Variants in DUSP4 observed in about 807,000 individuals in gnomAD.
DUSP4 encodes the protein dual specificity protein phosphatase 4.
DUSP4 carries 12 observed loss-of-function variants against 27.2 expected under a neutral mutation model. The observed-to-expected ratio is 0.44, with a 90% CI of 0.28 to 0.71. The LOEUF is 0.71. Among genes scored for constraint, DUSP4 ranks in the 30% least tolerant of loss-of-function variants. The probability of loss-of-function intolerance (pLI) is 0.14; values close to 1 mark genes in which losing one functional copy is unlikely to be tolerated. For synonymous variants in DUSP4, 257 were observed against 245.2 expected (o/e 1.05, Z -0.45); for missense variants, 448 against 551.3 (o/e 0.81, Z 1.88).
At position 29,348,076 on chromosome 8, in the gene DUSP4, CACA is replaced by C. The variant is rs1199281391; in HGVS notation, c.433+1767_433+1769del. On this transcript the variant is annotated intron_variant, in intron 1 of 3. Coordinates refer to ENST00000240100, the MANE Select transcript of DUSP4 (RefSeq NM_001394.7). ...ATTTCTTCCAGGAAGGAAAGCAAAA[CACA>C]ACAAAACAAATCCAGACTCCACGTG... 8.1e-6 allele frequency: 8 copies of C among 985,476 alleles called. No homozygotes were observed. The African/African-American group carries it at 1.2e-4, about 15-fold the overall frequency. The allele number at this position is 985,476 out of a possible 1,614,324, so 61.0% of individuals were successfully genotyped here. A position where few individuals can be genotyped will look rare whatever the true frequency, so the allele number is the denominator to read the frequency against.
intron 1 of DUSP4, chr8:29,345,452 G>A: frequency 4.3e-6 from 7 of 1,614,056 alleles, no homozygotes; most frequent in Non-Finnish European, 5.1e-6. Context: ...GAACTGGTTT[G>A]CAGTCTCTCC....
chr8:29,348,292 C>A, intron 1 of DUSP4: 2 of 985,596 alleles, frequency 2.0e-6, no homozygotes, highest in Non-Finnish European at 2.4e-6. Context: ...TCTCTCCCAC[C>A]AGCGCCGACA....
In DUSP4 at chr8:29,350,172, G is replaced by A; in HGVS notation, c.107C>T (p.Thr36Ile). ...CTTGCCGCCGCTCGGCAGCCCCAGG[G>A]TGCCGTGGCTGCCGCTGCCGCCCGC... ...GGAGGSGSHG[T>I]LGLPSGGKCL... The change falls in exon 1 of 4, where the codon ACC (threonine) becomes ATC (isoleucine). Residue 36 changes from threonine (T) to isoleucine (I), a missense_variant. Transcript: ENST00000240100. The A allele has an allele frequency of 6.2e-7, 1 of 1,608,318 alleles. No individual in the cohort carries two copies. The highest frequency in any genetic ancestry group is 8.5e-7 in the Non-Finnish European group (1 of 1,178,212).
intron 1 of DUSP4, among the ~76,000 whole-genome samples, chr8:29,344,310 A>T (rs1817696801): frequency 6.6e-6 from 1 of 152,244 alleles, no homozygotes; most frequent in Non-Finnish European, 1.5e-5. Flanking sequence ...TAATTTCATT[A>T]TCAAATGTGC....
chr8:29,340,924 C>T (rs528561150), intron 1 of DUSP4, among the ~76,000 whole-genome samples: 1 of 152,128 alleles, frequency 6.6e-6, no homozygotes, highest in South Asian at 2.1e-4. Context: ...GAAGGGAGAT[C>T]TTTTAAATAA....
chr8:29,333,773 A>G lies in DUSP4; in HGVS notation c.*3253T>C, dbSNP rs779815802. ...AGGAGAGCCTGGGTATCAGAACTGT[A>G]TAAGTTCCCCAAGTAATTCCAATGC... On this transcript the variant is annotated 3_prime_UTR_variant, in exon 4 of 4. Transcript: ENST00000240100. 16 of 152,352 alleles carry G rather than the reference A, an allele frequency of 1.1e-4. No homozygotes were observed. Among genetic ancestry groups the G allele is most frequent in the African/African-American group, 2.6e-4 (11 of 41,582 alleles). The allele number at this position is 152,352 out of a possible 1,614,324, so 9.4% of individuals were successfully genotyped here.
intron 1 of DUSP4, among the ~76,000 whole-genome samples, chr8:29,349,242 G>A (rs759882569): frequency 6.6e-6 from 1 of 152,244 alleles, no homozygotes; most frequent in Non-Finnish European, 1.5e-5. Context: ...TCTAGCCCGG[G>A]ACGGGGATTG....
chr8:29,348,452 G>A (rs1470406404), intron 1 of DUSP4: 1 of 971,694 alleles, frequency 1.0e-6, no homozygotes, highest in East Asian at 1.5e-4. Context: ...TCATTTGGAG[G>A]AGCAAAAGAC....
chr8:29,349,965 A>G lies in DUSP4; in HGVS notation c.314T>C (p.Val105Ala). 6.3e-7 allele frequency: 1 copy of G among 1,585,652 alleles called. No individual in the cohort carries two copies. The highest frequency in any genetic ancestry group is 1.1e-5 in the South Asian group (1 of 88,724). ...ARLRSGLYSA[V>A]IVYDERSPRA... ...CGGGCTGCGCTCGTCGTAGACGATG[A>G]CCGCCGAGTAGAGGCCGGAGCGCAA... Residue 105 changes from valine (V) to alanine (A), a missense_variant, in exon 1 of 4, where the codon GTC (valine) becomes GCC (alanine). Coordinates refer to ENST00000240100, the MANE Select transcript of DUSP4 (RefSeq NM_001394.7).
chr8:29,337,021 C>T lies in DUSP4; in HGVS notation c.*5G>A, dbSNP rs779812624. ...AGCTCTGGTTCTGGGGCCCCCAGGG[C>T]GGCTCTAACAGCTGGGAGAGGTGGT... On this transcript the variant is annotated 3_prime_UTR_variant, in exon 4 of 4. Coordinates refer to ENST00000240100, the MANE Select transcript of DUSP4 (RefSeq NM_001394.7). The surrounding 1 kb of genome is among the most constrained non-coding windows in gnomAD (Gnocchi z 6.4). The T allele has an allele frequency of 5.9e-5, 94 of 1,586,672 alleles. No homozygotes were observed. The highest frequency in any genetic ancestry group is 1.7e-4 in the Middle Eastern group (1 of 6,000).
intron 1 of DUSP4, among the ~76,000 whole-genome samples, chr8:29,342,801 C>G (rs1003064825): frequency 6.6e-6 from 1 of 152,192 alleles, no homozygotes; most frequent in African/African-American, 2.4e-5. Context: ...GAAAAGGCAC[C>G]ATTAGAAGGC....
chr8:29,348,316 G>T (rs1817765126), intron 1 of DUSP4: 1 of 985,584 alleles, frequency 1.0e-6, no homozygotes, highest in Non-Finnish European at 1.2e-6. Flanking sequence ...TCAAACAATG[G>T]CGCGGACGCC....
chr8:29,344,555 C>T (rs1414532344), intron 1 of DUSP4, among the ~76,000 whole-genome samples: 1 of 152,152 alleles, frequency 6.6e-6, no homozygotes, highest in East Asian at 1.9e-4. Flanking sequence ...TGATTTTCAT[C>T]AGACTTACTT....
intron 1 of DUSP4, among the ~76,000 whole-genome samples, chr8:29,346,925 T>G (rs906731529): frequency 2.0e-5 from 3 of 152,258 alleles, no homozygotes; most frequent in Non-Finnish European, 4.4e-5. Flanking sequence ...TTGCTTTTAC[T>G]GCTTCTCCTA....
chr8:29,344,697 C>T lies in DUSP4; in HGVS notation c.434-4454G>A, dbSNP rs182212606. Reference sequence around the variant, plus strand: ...GAAGCCCTCCACCACACTCCCCCGTCCCTTGCAGGAGTAGGAGATAATGTA... The same window carrying T: ...GAAGCCCTCCACCACACTCCCCCGTTCCTTGCAGGAGTAGGAGATAATGTA... On this transcript the variant is annotated intron_variant, in intron 1 of 3. Coordinates refer to ENST00000240100, the MANE Select transcript of DUSP4 (RefSeq NM_001394.7). Among the ~76,000 whole-genome samples the T allele has an allele frequency of 2.0e-5, 3 of 152,286 alleles. No individual in the cohort carries two copies. In the East Asian group the frequency reaches 5.8e-4, roughly 29 times the overall value.
Position 29,350,463 on chromosome 8 carries a change from G to A in DUSP4, c.-185C>T. 1 of 740,444 alleles carries A rather than the reference G, an allele frequency of 1.4e-6. No individual in the cohort carries two copies. The highest frequency in any genetic ancestry group is 2.1e-6 in the Non-Finnish European group (1 of 481,996). The allele number at this position is 740,444 out of a possible 1,614,324, so 45.9% of individuals were successfully genotyped here. On this transcript the variant is annotated 5_prime_UTR_variant, in exon 1 of 4. Coordinates refer to ENST00000240100, the MANE Select transcript of DUSP4 (RefSeq NM_001394.7). ...TGTCCCCTTCCTCCCGCAGCCTCGC[G>A]GTCACATAGCAGTCGGAGCGGCCTC...
At chr8:29,340,066 C>G in intron 2 of DUSP4, 32 bp downstream of exon 2, 1 of 1,549,590 alleles carries the variant, frequency 6.5e-7, no homozygotes, top group Non-Finnish European at 8.7e-7. Flanking sequence ...TGTTCCTGCC[C>G]CCCACTTCCA....
At chr8:29,347,599 T>G (rs1426603104) in intron 1 of DUSP4, among the ~76,000 whole-genome samples, 6 of 152,318 alleles carry the variant, frequency 3.9e-5, no homozygotes, top group Middle Eastern at 3.4e-3. Flanking sequence ...AGACCGAAGC[T>G]AAATCTGTGG....
In DUSP4 at chr8:29,350,339, G is replaced by T; in HGVS notation, c.-61C>A. On this transcript the variant is annotated 5_prime_UTR_variant, in exon 1 of 4. Transcript: ENST00000240100. ...AAGAGAAGAGAACCCGGGCCGCCTA[G>T]GCTGCAGAAAGGGGCGGGCGAGAGC... 1 of 1,505,266 alleles carries T rather than the reference G, an allele frequency of 6.6e-7. No individual in the cohort carries two copies. The highest frequency in any genetic ancestry group is 8.8e-7 in the Non-Finnish European group (1 of 1,132,126). 93.2% of individuals were successfully genotyped at this position (1,505,266 alleles called of 1,614,324 possible). A position where few individuals can be genotyped will look rare whatever the true frequency, so the allele number is the denominator to read the frequency against.
Sources: gnomAD v4.1 joint callset for allele counts (sites outside exome capture counted in the v4.1 genomes callset) on GRCh38, gnomAD v4.1.1 for gene constraint, Gnocchi (gnomAD v3.1) non-coding constraint, MANE v1.5 for transcripts, NCBI Gene and HGNC (gene_info 2026-07-23, HGNC 2026-07-21) for gene names.